CSMD3: variants seen among roughly 807,000 people sequenced by gnomAD.
CSMD3 encodes CUB and Sushi multiple domains 3, also known as CUB and sushi domain-containing protein 3.
CSMD3 carries 177 observed loss-of-function variants against 435.2 expected under a neutral mutation model. The ratio of observed to expected loss-of-function variants is 0.41; its 90% CI spans 0.36 to 0.46. The LOEUF is 0.46. CSMD3 is among the 20% of genes least tolerant of loss of function. CSMD3 has a pLI of 0.34. For missense variants in CSMD3, 4,265 were observed against 4,504.6 expected (o/e 0.95, Z 1.52); for synonymous variants, 1,656 against 1,520.5 (o/e 1.09, Z -2.07).
intron 17 of CSMD3, among the ~76,000 whole-genome samples, chr8:112,658,978 C>T (rs1291826057): frequency 6.6e-6 from 1 of 151,806 alleles, no homozygotes; most frequent in East Asian, 1.9e-4. Context: ...AAGAAATTGT[C>T]AATCTATTAT....
At chr8:112,984,701 A>T (rs181589816) in intron 6 of CSMD3, among the ~76,000 whole-genome samples, 194 of 152,268 alleles carry the variant, frequency 1.3e-3, no homozygotes, top group Admixed American at 3.6e-3. Context: ...GTGAAATATG[A>T]AGGAAGAGAT....
At chr8:113,270,801 G>T (rs1266601772) in intron 3 of CSMD3, among the ~76,000 whole-genome samples, 1 of 149,432 alleles carries the variant, frequency 6.7e-6, no homozygotes, top group East Asian at 2.0e-4. Context: ...CAGGAAGGGG[G>T]ACATCACGCA....
At chr8:112,544,012 A>G (rs975828284) in intron 27 of CSMD3, among the ~76,000 whole-genome samples, 1 of 152,184 alleles carries the variant, frequency 6.6e-6, no homozygotes, top group African/African-American at 2.4e-5. Context: ...TGAGGTATCT[A>G]AAATAGCCAA....
intron 5 of CSMD3, among the ~76,000 whole-genome samples, chr8:113,078,851 A>G (rs1381983445): frequency 6.6e-6 from 1 of 152,170 alleles, no homozygotes; most frequent in African/African-American, 2.4e-5. Flanking sequence ...CTCACAAAAT[A>G]CCTTCAAAGC....
intron 13 of CSMD3, among the ~76,000 whole-genome samples, chr8:112,738,893 G>A (rs1398960040): frequency 9.9e-5 from 15 of 151,626 alleles, no homozygotes; most frequent in Non-Finnish European, 1.5e-5. Flanking sequence ...ACAGTTTTAA[G>A]TGGATTGAAT....
At chr8:113,127,252 C>A (rs1322098014) in intron 4 of CSMD3, among the ~76,000 whole-genome samples, 1 of 152,048 alleles carries the variant, frequency 6.6e-6, no homozygotes, top group Non-Finnish European at 1.5e-5. Context: ...GTTCCAAAAT[C>A]ATATATTCAC....
At chr8:112,310,769 C>T (rs1821900417) in intron 50 of CSMD3, 5 of 653,080 alleles carry the variant, frequency 7.7e-6, no homozygotes, top group East Asian at 2.8e-5. Context: ...ATATAAGTTG[C>T]ATAACAATAA....
At chr8:113,231,475 T>C (rs1433060009) in intron 3 of CSMD3, among the ~76,000 whole-genome samples, 1 of 151,462 alleles carries the variant, frequency 6.6e-6, no homozygotes, top group East Asian at 1.9e-4. Flanking sequence ...AGTACACTTT[T>C]GTGGAAATAT....
chr8:112,516,767 A>C (rs1823711855), intron 28 of CSMD3, among the ~76,000 whole-genome samples: 1 of 152,164 alleles, frequency 6.6e-6, no homozygotes, highest in Non-Finnish European at 1.5e-5. Flanking sequence ...TAGTAAATAA[A>C]GGGTGATATA....
chr8:112,650,254 A>G lies in CSMD3; in HGVS notation c.3100T>C (p.Phe1034Leu), dbSNP rs764135412. 6 of 1,613,858 alleles carry G rather than the reference A, an allele frequency of 3.7e-6. No individual in the cohort carries two copies. Among genetic ancestry groups the G allele is most frequent in the Non-Finnish European group, 4.2e-6 (5 of 1,179,776 alleles). The part of the protein sequence containing the change: ...HDFSIGSTVS[F>L]SCDSGYRLSH... ...AACCTGTATCCTGAATCACAACTAA[A>G]TGAAACAGTAGAGCCAATGGAGAAA... The change falls in exon 19 of 71, where the codon TTT (phenylalanine) becomes CTT (leucine). Residue 1034 changes from phenylalanine to leucine, a missense_variant. Transcript: ENST00000297405.
rs369430916 is a variant in CSMD3 at position 112,500,309 on chromosome 8, G to T, written c.5083+3481C>A. ...TGTCAATATGTGTGAAATCATGAAT[G>T]AAAGGAACTAGTTTTTAGAAAAAGA... is the stretch of plus-strand genomic sequence containing the variant. On this transcript the variant is annotated intron_variant, in intron 30 of 70. Coordinates refer to ENST00000297405, the MANE Select transcript of CSMD3 (RefSeq NM_198123.2). Among the ~76,000 whole-genome samples, 23 of 152,186 alleles carry T rather than the reference G, an allele frequency of 1.5e-4. 1 individual carries two copies. The highest frequency in any genetic ancestry group is 5.5e-4 in the African/African-American group (23 of 41,526).
chr8:113,052,754 G>T (rs2088153153), intron 5 of CSMD3, among the ~76,000 whole-genome samples: 1 of 152,170 alleles, frequency 6.6e-6, no homozygotes, highest in African/African-American at 2.4e-5. Context: ...CTGCAGCCTG[G>T]ATAACAGAGA....
At chr8:113,154,963 TA>T (rs1246717432) in intron 4 of CSMD3, among the ~76,000 whole-genome samples, 15 of 152,022 alleles carry the variant, frequency 9.9e-5, no homozygotes, top group African/African-American at 3.4e-4. Context: ...AAAGTTAAAA[TA>T]AATGTGCATT....
At chr8:112,369,551 T>C (rs922336668) in intron 38 of CSMD3, among the ~76,000 whole-genome samples, 2 of 152,146 alleles carry the variant, frequency 1.3e-5, no homozygotes, top group Non-Finnish European at 2.9e-5. Flanking sequence ...AATGAGTTCA[T>C]GTCATTTGCA....
intron 6 of CSMD3, among the ~76,000 whole-genome samples, chr8:113,010,811 T>C (rs2086230439): frequency 6.6e-6 from 1 of 151,610 alleles, no homozygotes; most frequent in South Asian, 2.1e-4. Context: ...CTATCCATGA[T>C]ATTTTCTTTT....
chr8:112,530,683 C>T (rs914579605), intron 27 of CSMD3, among the ~76,000 whole-genome samples: 6 of 152,148 alleles, frequency 3.9e-5, no homozygotes, highest in African/African-American at 1.2e-4. Flanking sequence ...ACACAGCAAA[C>T]GTACAACACA....
intron 27 of CSMD3, among the ~76,000 whole-genome samples, chr8:112,546,567 G>C (rs1827199715): frequency 6.6e-6 from 1 of 152,182 alleles, no homozygotes; most frequent in South Asian, 2.1e-4. Flanking sequence ...AGGTCAAAGA[G>C]TGAAGAGCAT....
intron 13 of CSMD3, among the ~76,000 whole-genome samples, chr8:112,739,977 G>A (rs1343778092): frequency 6.6e-6 from 1 of 151,664 alleles, no homozygotes; most frequent in Non-Finnish European, 1.5e-5. Flanking sequence ...ATAATTAGAG[G>A]AAATGCAATC....
At chr8:112,620,800 A>T (rs1228598447) in intron 22 of CSMD3, among the ~76,000 whole-genome samples, 1 of 152,036 alleles carries the variant, frequency 6.6e-6, no homozygotes, top group Non-Finnish European at 1.5e-5. Flanking sequence ...ATCACACCTT[A>T]ATTTTGCACC....
Sources: allele counts gnomAD v4.1 joint callset (sites outside exome capture counted in the v4.1 genomes callset), GRCh38; gene constraint gnomAD v4.1.1; transcripts MANE v1.5; gene names NCBI Gene and HGNC (gene_info 2026-07-23, HGNC 2026-07-21).